Variants in RAD51AP2 observed in about 807,000 individuals in gnomAD.
RAD51AP2 encodes RAD51-associated protein 2.
In RAD51AP2, 67 loss-of-function variants were observed where a neutral mutation model predicts 85.5. The observed-to-expected ratio is 0.78, with a 90% CI of 0.64 to 0.96. RAD51AP2 has a LOEUF of 0.96. Among genes scored for constraint, RAD51AP2 ranks in the 40% least tolerant of loss-of-function variants. The pLI is 0.00. For missense variants in RAD51AP2, 1,307 were observed against 1,332.4 expected (o/e 0.98, Z 0.30); for synonymous variants, 474 against 446.5 (o/e 1.06, Z -0.78).
chr2:17,521,345 G>C (rs1016082914), upstream of RAD51AP2, among the ~76,000 whole-genome samples: 4 of 151,946 alleles, frequency 2.6e-5, no homozygotes, highest in African/African-American at 9.7e-5. Flanking sequence ...AAATATTAGT[G>C]GTTTTAGCAT....
At position 17,518,226 on chromosome 2, in the gene RAD51AP2, A is replaced by T. The variant is rs1662755120; in HGVS notation, c.190T>A (p.Trp64Arg). 2 of 1,614,208 alleles carry T rather than the reference A, an allele frequency of 1.2e-6. No homozygotes were observed. The highest frequency in any genetic ancestry group is 4.5e-5 in the East Asian group (2 of 44,892). ...TTGAAGGGTCTAGGGGACAACTCCC[A>T]GACTTTTTCCGCCTCAGACAAGCGA... ...VPRLSEAEKV[W>R]ELSPRPFKGL... Residue 64 changes from tryptophan to arginine, a missense_variant, in exon 1 of 3, where the codon TGG becomes AGG. This residue lies in a region of RAD51AP2 where 635 missense variants were observed against 643.6 expected (regional missense o/e 0.99). Coordinates refer to ENST00000399080, the MANE Select transcript of RAD51AP2 (RefSeq NM_001099218.3).
Position 17,517,014 on chromosome 2 carries a change from C to G in RAD51AP2, c.1402G>C (p.Gly468Arg), listed in dbSNP as rs1358494270. The G allele has an allele frequency of 1.2e-6, 2 of 1,602,956 alleles. No homozygotes were observed. The highest frequency in any genetic ancestry group is 1.7e-6 in the Non-Finnish European group (2 of 1,177,064). ...GTCGTTATTAAAGCTGTCTGACTAC[C>G]TAATATTTCTCTTACGAGAAGCTTT... ...QSKLLVREIL[G>R]SQTALITTVW... The change falls in exon 1 of 3, where the codon GGT (glycine) becomes CGT (arginine). Residue 468 changes from glycine (G) to arginine (R), a missense_variant. Around this residue, in one of 3 missense-constraint regions of RAD51AP2, gnomAD observed 635 missense variants for 643.6 expected, o/e 0.99. Transcript: ENST00000399080.
At chr2:17,531,450 T>C in the RAD51AP2 span, among the ~76,000 whole-genome samples, 3 of 152,214 alleles carry the variant, frequency 2.0e-5, no homozygotes, top group African/African-American at 7.2e-5. Flanking sequence ...ATTCAGTCAA[T>C]GAATGTTTCT....
At chr2:17,537,111 G>C in the RAD51AP2 span, among the ~76,000 whole-genome samples, 7 of 152,196 alleles carry the variant, frequency 4.6e-5, no homozygotes, top group South Asian at 2.1e-4. Flanking sequence ...CTTAAGACCA[G>C]GAGTTTCAGA....
chr2:17,526,615 G>A, the RAD51AP2 span, among the ~76,000 whole-genome samples: 2 of 152,108 alleles, frequency 1.3e-5, no homozygotes, highest in African/African-American at 2.4e-5. Flanking sequence ...GAACTTCAAT[G>A]TGGAACCAAA....
chr2:17,519,196 C>G (rs1558268429), upstream of RAD51AP2, among the ~76,000 whole-genome samples: 1 of 151,388 alleles, frequency 6.6e-6, no homozygotes, highest in Non-Finnish European at 1.5e-5. Flanking sequence ...TGAACTACCC[C>G]ATTTAGTGTA....
Position 17,516,761 on chromosome 2 carries a change from GT to G in RAD51AP2, c.1654del (p.Thr552ProfsTer4). 6.4e-7 allele frequency: 1 copy of G among 1,565,678 alleles called. No individual in the cohort carries two copies. The highest frequency in any genetic ancestry group is 8.7e-7 in the Non-Finnish European group (1 of 1,151,502). ...CTTTATATTTGTATTCATGTTTCTG[GT>G]TATTAGATTTTGAATACCAATTATA... ...IGIIGIQNLI[T>X]RNMNTNIKNG... On this transcript the variant is annotated frameshift_variant, in exon 1 of 3. Transcript: ENST00000399080. LOFTEE classifies it high-confidence loss of function.
At chr2:17,522,885 A>T (rs1187638059), upstream of RAD51AP2, among the ~76,000 whole-genome samples, 1 of 151,920 alleles carries the variant, frequency 6.6e-6, no homozygotes, top group Admixed American at 6.6e-5. Flanking sequence ...TTTACTTAAA[A>T]TTTTCAAGGA....
At chr2:17,519,871 T>C (rs1662819620), upstream of RAD51AP2, among the ~76,000 whole-genome samples, 1 of 152,198 alleles carries the variant, frequency 6.6e-6, no homozygotes, top group South Asian at 2.1e-4. Context: ...AGGGGTGACT[T>C]GTATAGCTAA....
the RAD51AP2 span, among the ~76,000 whole-genome samples, chr2:17,523,877 T>C: frequency 6.6e-6 from 1 of 151,946 alleles, no homozygotes; most frequent in African/African-American, 2.4e-5. Context: ...CTACTATCAA[T>C]GAATAATCAT....
In RAD51AP2 at chr2:17,514,065, G is replaced by C. The variant is rs1467503035; in HGVS notation, c.3275C>G (p.Pro1092Arg). The C allele has an allele frequency of 6.3e-7, 1 of 1,584,556 alleles. No homozygotes were observed. Among genetic ancestry groups the C allele is most frequent in the African/African-American group, 1.3e-5 (1 of 74,218 alleles). ...TTTACATTCATCAGGGAGAAAAGCA[G>C]GTCTTTTAGGTAAAGGTGTTTCACA... The part of the protein sequence containing the change: ...KDCETPLPKR[P>R]AFLPDECKEE... The change falls in exon 2 of 3, where the codon CCT becomes CGT. Residue 1092 changes from proline (P) to arginine (R), a missense_variant. This residue lies in a region of RAD51AP2 where 668 missense variants were observed against 671.0 expected (regional missense o/e 1.00). Transcript: ENST00000399080.
At chr2:17,536,323 T>C in the RAD51AP2 span, among the ~76,000 whole-genome samples, 3 of 152,158 alleles carry the variant, frequency 2.0e-5, no homozygotes, top group East Asian at 5.8e-4. Context: ...GAGTACAGCC[T>C]AGCAATAAAG....
chr2:17,522,995 G>T (rs1219102021), upstream of RAD51AP2, among the ~76,000 whole-genome samples: 1 of 151,846 alleles, frequency 6.6e-6, no homozygotes, highest in African/African-American at 2.4e-5. Context: ...AATAGTAGTT[G>T]GAGGAGTAGA....
the RAD51AP2 span, among the ~76,000 whole-genome samples, chr2:17,529,233 T>C: frequency 6.6e-6 from 1 of 151,754 alleles, no homozygotes; most frequent in Non-Finnish European, 1.5e-5. Context: ...TAACATCACA[T>C]TCATAATTTG....
Position 17,515,395 on chromosome 2 carries a change from C to T in RAD51AP2, c.3021G>A (p.Glu1007=), listed in dbSNP as rs1381914547. The part of the protein sequence containing the change: ...QENYFGENDA[E]KVKMEIEKDL... ...CTTTTTCTATCTCCATTTTTACCTT[C>T]TCAGCATCATTTTCTCCAAAGTAAT... Residue 1007 remains glutamate, a synonymous_variant, in exon 1 of 3, where the codon GAG becomes GAA. Transcript: ENST00000399080. 8 of 1,611,722 alleles carry T rather than the reference C, an allele frequency of 5.0e-6. No homozygotes were observed. The highest frequency in any genetic ancestry group is 6.8e-6 in the Non-Finnish European group (8 of 1,179,448).
chr2:17,515,907 C>T lies in RAD51AP2; in HGVS notation c.2509G>A (p.Val837Ile), dbSNP rs1404754631. The T allele has an allele frequency of 6.2e-7, 1 of 1,603,706 alleles. No homozygotes were observed. The highest frequency in any genetic ancestry group is 1.1e-5 in the South Asian group (1 of 87,858). Residue 837 changes from valine (V) to isoleucine (I), a missense_variant, in exon 1 of 3, where the codon GTA (valine) becomes ATA (isoleucine). This residue lies in a region of RAD51AP2 where 668 missense variants were observed against 671.0 expected (regional missense o/e 1.00). Transcript: ENST00000399080. ...GTTAAACTTTCAGCTGTGACTTTTA[C>T]TTCCTCTTTCAAAATTAAGTCATAT... is the stretch of plus-strand genomic sequence containing the variant. Reference protein sequence around the residue: ...KKYDLILKEEVKVTAESLTNS... With the variant: ...KKYDLILKEEIKVTAESLTNS...
In RAD51AP2 at chr2:17,516,499, T is replaced by G. The variant is rs1216712963; in HGVS notation, c.1917A>C (p.Leu639Phe). 1 of 1,538,720 alleles carries G rather than the reference T, an allele frequency of 6.5e-7. No individual in the cohort carries two copies. The highest frequency in any genetic ancestry group is 8.9e-7 in the Non-Finnish European group (1 of 1,129,264). The change falls in exon 1 of 3, where the codon TTA becomes TTC. Residue 639 changes from leucine to phenylalanine, a missense_variant. Around this residue, in one of 3 missense-constraint regions of RAD51AP2, gnomAD observed 668 missense variants for 671.0 expected, o/e 1.00. Coordinates refer to ENST00000399080, the MANE Select transcript of RAD51AP2 (RefSeq NM_001099218.3). ...TTAACATAGGTTTCATATTATCTTC[T>G]AATAGTCTTGAAGAAGTTAAAATCT... ...LVKILTSSRLLEDNMKPMLKK... is the reference protein window; with the variant it reads ...LVKILTSSRLFEDNMKPMLKK...
At chr2:17,511,327 G>T (rs1231560533) in intron 2 of RAD51AP2, among the ~76,000 whole-genome samples, 1 of 152,112 alleles carries the variant, frequency 6.6e-6, no homozygotes. Flanking sequence ...CAACTATGCT[G>T]TATGGTTAAT....
At chr2:17,537,839 TA>T in the RAD51AP2 span, among the ~76,000 whole-genome samples, 2 of 152,052 alleles carry the variant, frequency 1.3e-5, no homozygotes, top group East Asian at 3.8e-4. Context: ...ATAAAGAACA[TA>T]ATTTGCAACT....
Sources: allele counts gnomAD v4.1 joint callset (sites outside exome capture counted in the v4.1 genomes callset), GRCh38; gene constraint gnomAD v4.1.1; regional missense constraint gnomAD v4.1.1; transcripts MANE v1.5; gene names NCBI Gene and HGNC (gene_info 2026-07-23, HGNC 2026-07-21).